The following AK7 variants were observed in gnomAD, a reference collection of about 807,000 sequenced individuals.
AK7 encodes the protein adenylate kinase 7, also known as ATP-AMP transphosphorylase 7.
Under a neutral mutation model 96.6 loss-of-function variants are expected in AK7, and 78 were observed. The observed-to-expected ratio is 0.81, with a 90% CI of 0.67 to 0.97. The LOEUF is 0.97. Among genes scored for constraint, AK7 ranks in the 50% least tolerant of loss-of-function variants. AK7 has a pLI of 0.00. For missense variants in AK7, 855 were observed against 887.9 expected, an observed-to-expected ratio of 0.96 and a Z score of 0.47; for synonymous variants, 302 against 317.2, an observed-to-expected ratio of 0.95 and a Z score of 0.51.
intron 14 of AK7, among the ~76,000 whole-genome samples, chr14:96,473,685 T>C (rs1895028013): frequency 6.6e-6 from 1 of 152,074 alleles, no homozygotes; most frequent in African/African-American, 2.4e-5. Flanking sequence ...ATTGCTGAAA[T>C]GAATAGAAAT....
At chr14:96,392,394 T>C in intron 1 of AK7, 135 bp downstream of exon 1, 1 of 697,896 alleles carries the variant, frequency 1.4e-6, no homozygotes, top group South Asian at 1.8e-5. Flanking sequence ...TCCCGCGTCC[T>C]GGGCACCACC....
At chr14:96,482,129 G>A (rs1274195692) in intron 15 of AK7, among the ~76,000 whole-genome samples, 1 of 151,928 alleles carries the variant, frequency 6.6e-6, no homozygotes, top group African/African-American at 2.4e-5. Flanking sequence ...GAGGGGTGGC[G>A]GCTCATGCCT....
intron 3 of AK7, among the ~76,000 whole-genome samples, chr14:96,407,620 T>G (rs553464034): frequency 5.1e-4 from 76 of 147,818 alleles, no homozygotes; most frequent in Non-Finnish European, 8.2e-4. Flanking sequence ...CTCGCTCTGT[T>G]GCCTAGGCTG....
rs367874649 is a variant in AK7, at chr14:96,472,722, A to G, written c.1522A>G (p.Arg508Gly). 7 of 1,613,028 alleles carry G rather than the reference A, an allele frequency of 4.3e-6. No individual in the cohort carries two copies. The African/African-American group carries it at 8.0e-5, about 18-fold the overall frequency. The change falls in exon 14 of 18, where the codon AGA becomes GGA. Residue 508 changes from arginine to glycine, a missense_variant. By Grantham distance (125) the Arg-to-Gly change is moderately radical. Coordinates refer to ENST00000267584, the MANE Select transcript of AK7 (RefSeq NM_152327.5). ...GGAGGAGGAAGATGATGTCAGAGGC[A>G]GAATGTTTCCCTTTGATAAATTAAT... ...DEEEEDDVRG[R>G]MFPFDKLIIP...
chr14:96,397,600 C>T (rs781199963), intron 1 of AK7, among the ~76,000 whole-genome samples: 1 of 151,722 alleles, frequency 6.6e-6, no homozygotes, highest in African/African-American at 2.4e-5. Context: ...TAAAATGTTG[C>T]TACTAGAAAA....
At chr14:96,452,591 G>T (rs1893668855) in intron 10 of AK7, among the ~76,000 whole-genome samples, 1 of 152,174 alleles carries the variant, frequency 6.6e-6, no homozygotes, top group Admixed American at 6.6e-5. Flanking sequence ...CTCCCAAAGT[G>T]CTGGGATTAC....
At chr14:96,444,606 C>A (rs974024942) in intron 7 of AK7, among the ~76,000 whole-genome samples, 1 of 152,174 alleles carries the variant, frequency 6.6e-6, no homozygotes, top group Non-Finnish European at 1.5e-5. Context: ...ATTTCCCAAA[C>A]AAGCCAGTTT....
intron 17 of AK7, 100 bp from the exon 18 acceptor site, chr14:96,488,205 G>T: frequency 8.5e-7 from 1 of 1,177,228 alleles, no homozygotes; most frequent in Non-Finnish European, 1.2e-6. Context: ...GAGCCACCAA[G>T]CTTGGCCCAG....
At chr14:96,456,929 ATCT>A (rs1193415833) in intron 11 of AK7, 3 of 202,978 alleles carry the variant, frequency 1.5e-5, no homozygotes, top group Non-Finnish European at 3.1e-5. Flanking sequence ...TGACGTGTGG[ATCT>A]TCTTTTCTCT....
chr14:96,413,165 C>A (rs1388011692), intron 4 of AK7, among the ~76,000 whole-genome samples: 1 of 152,124 alleles, frequency 6.6e-6, no homozygotes. Context: ...GCTACAGAGC[C>A]AAGATCTGTT....
Position 96,463,696 on chromosome 14 carries a change from G to GGC in AK7, c.1357+5486_1357+5487dup, listed in dbSNP as rs562599526. 2.7e-4 allele frequency among the ~76,000 whole-genome samples: 40 copies of GGC among 147,146 alleles called. 1 individual carries two copies. In the East Asian group the frequency reaches 6.9e-3, roughly 25 times the overall value. On this transcript the variant is annotated intron_variant, in intron 12 of 17. Coordinates refer to ENST00000267584, the MANE Select transcript of AK7 (RefSeq NM_152327.5). ...GATCACACCACTGCACTCCAGCCTG[G>GGC]GCGACAGAGCAATACTCTGTCTCAA...
chr14:96,468,073 CA>C (rs35563628), intron 12 of AK7, among the ~76,000 whole-genome samples: 26,574 of 78,986 alleles, frequency 0.34, 2,247 homozygotes, highest in Middle Eastern at 0.45. Context: ...CCCGTCTCTA[CA>C]AAAAAAAAAA....
At chr14:96,470,153 T>C (rs1413369353) in intron 12 of AK7, among the ~76,000 whole-genome samples, 1 of 151,440 alleles carries the variant, frequency 6.6e-6, no homozygotes, top group Non-Finnish European at 1.5e-5. Flanking sequence ...TTTATTGTCA[T>C]TGATAGAGTA....
intron 1 of AK7, among the ~76,000 whole-genome samples, chr14:96,394,023 C>A (rs1201824779): frequency 2.0e-5 from 3 of 151,874 alleles, no homozygotes; most frequent in Non-Finnish European, 2.9e-5. Context: ...GCAGGAAAAT[C>A]ACTTGAACCC....
intron 16 of AK7, among the ~76,000 whole-genome samples, chr14:96,486,285 T>A (rs1486682821): frequency 6.6e-6 from 1 of 152,208 alleles, no homozygotes; most frequent in Non-Finnish European, 1.5e-5. Context: ...GCACCTACCA[T>A]GCATGGCAGG....
chr14:96,403,016 G>A (rs1378204329), intron 2 of AK7, among the ~76,000 whole-genome samples: 1 of 151,994 alleles, frequency 6.6e-6, no homozygotes. Flanking sequence ...TCGGGAGGCT[G>A]AGGCAGGGAG....
chr14:96,394,125 G>A (rs1354681111), intron 1 of AK7, among the ~76,000 whole-genome samples: 3 of 151,850 alleles, frequency 2.0e-5, no homozygotes, highest in Admixed American at 2.0e-4. Context: ...AAAAAAAATG[G>A]TGACATTTAA....
chr14:96,424,183 AG>A (rs1891883341), intron 5 of AK7: 1 of 596,512 alleles, frequency 1.7e-6, no homozygotes, highest in African/African-American at 1.9e-5. Flanking sequence ...TGAAGGCTCC[AG>A]GGCCCGGACC....
chr14:96,437,683 A>T, intron 5 of AK7, 152 bp from the exon 6 acceptor site: 2 of 593,762 alleles, frequency 3.4e-6, no homozygotes, highest in East Asian at 2.8e-5. Flanking sequence ...TTCTCTCTTT[A>T]AGAGATAGGA....
Sources: allele counts gnomAD v4.1 joint callset (sites outside exome capture counted in the v4.1 genomes callset), GRCh38; gene constraint gnomAD v4.1.1; transcripts MANE v1.5; gene names NCBI Gene and HGNC (gene_info 2026-07-23, HGNC 2026-07-21).